SLCO1B3: variants seen among roughly 807,000 people sequenced by gnomAD.
SLCO1B3 encodes the protein liver-specific organic anion transporter 2.
SLCO1B3 carries 72 observed loss-of-function variants against 71.8 expected under a neutral mutation model. That is an observed-to-expected ratio of 1.00 (90% CI 0.83 to 1.22). SLCO1B3 has a LOEUF of 1.22. SLCO1B3 is among the 50% of genes most tolerant of loss of function. SLCO1B3 has a pLI of 0.00. For synonymous variants in SLCO1B3, 298 were observed against 278.4 expected (o/e 1.07, Z -0.70); for missense variants, 911 against 819.7 (o/e 1.11, Z -1.36).
chr12:20,843,744 G>A (rs1031029934), intron 3 of SLCO1B3, among the ~76,000 whole-genome samples: 3 of 151,112 alleles, frequency 2.0e-5, no homozygotes, highest in African/African-American at 7.3e-5. Flanking sequence ...TTGTGTCACT[G>A]CACTCCAGCC....
At chr12:20,845,418 C>A (rs550709113) in intron 3 of SLCO1B3, among the ~76,000 whole-genome samples, 1 of 152,260 alleles carries the variant, frequency 6.6e-6, no homozygotes, top group Admixed American at 6.5e-5. Flanking sequence ...CTACTTTGAA[C>A]TGAGTAAGAA....
chr12:20,887,798 C>T (rs1235143263), intron 13 of SLCO1B3, among the ~76,000 whole-genome samples: 3 of 151,374 alleles, frequency 2.0e-5, no homozygotes, highest in South Asian at 2.1e-4. Context: ...ATTTCTTTGC[C>T]TAGATCATTG....
intron 3 of SLCO1B3, among the ~76,000 whole-genome samples, chr12:20,829,635 C>CTT (rs1481052016): frequency 2.0e-5 from 3 of 152,156 alleles, no homozygotes; most frequent in African/African-American, 7.2e-5. Context: ...GTTCTTGGAT[C>CTT]TTGCTCAAGA....
intron 3 of SLCO1B3, among the ~76,000 whole-genome samples, chr12:20,843,120 T>C (rs1864837613): frequency 6.6e-6 from 1 of 152,200 alleles, no homozygotes; most frequent in African/African-American, 2.4e-5. Context: ...AAAATACATG[T>C]TCTCATGTTC....
intron 3 of SLCO1B3, among the ~76,000 whole-genome samples, chr12:20,825,946 CTT>C (rs1215289898): frequency 2.0e-5 from 3 of 151,662 alleles, no homozygotes; most frequent in African/African-American, 7.3e-5. Flanking sequence ...CAAATAAAAA[CTT>C]AATAAGAATA....
intron 3 of SLCO1B3, among the ~76,000 whole-genome samples, chr12:20,853,384 T>C (rs187720885): frequency 2.4e-4 from 37 of 152,198 alleles, no homozygotes; most frequent in African/African-American, 8.4e-4. Flanking sequence ...TTTTTGGAAG[T>C]ATTTGATACT....
At chr12:20,858,627 A>G (rs1865190641) in intron 5 of SLCO1B3, 56 bp downstream of exon 5, 1 of 1,509,312 alleles carries the variant, frequency 6.6e-7, no homozygotes, top group Non-Finnish European at 9.0e-7. Context: ...AATTAGCAGT[A>G]GAATTTTATT....
At chr12:20,889,915 A>ATTT (rs36117594) in intron 13 of SLCO1B3, among the ~76,000 whole-genome samples, 2 of 145,094 alleles carry the variant, frequency 1.4e-5, no homozygotes, top group Non-Finnish European at 1.5e-5. Flanking sequence ...CATTTTCTTA[A>ATTT]TTTTTTTTTT....
intron 11 of SLCO1B3, among the ~76,000 whole-genome samples, chr12:20,880,324 A>G (rs1865664341): frequency 6.6e-6 from 1 of 151,526 alleles, no homozygotes; most frequent in South Asian, 2.1e-4. Context: ...TATTCCTCAG[A>G]GGTTTGGTTT....
At chr12:20,849,861 A>G (rs988003555) in intron 3 of SLCO1B3, among the ~76,000 whole-genome samples, 1 of 151,782 alleles carries the variant, frequency 6.6e-6, no homozygotes, top group African/African-American at 2.4e-5. Context: ...CAAAAAGGTT[A>G]AAAAAAATCA....
chr12:20,847,516 G>C (rs1016981360), intron 3 of SLCO1B3, among the ~76,000 whole-genome samples: 1 of 149,086 alleles, frequency 6.7e-6, no homozygotes, highest in African/African-American at 2.4e-5. Context: ...CTTGATCTCA[G>C]ACAACCCAGC....
chr12:20,907,282 G>C (rs1337226845), intron 15 of SLCO1B3, among the ~76,000 whole-genome samples: 1 of 152,062 alleles, frequency 6.6e-6, no homozygotes, highest in Non-Finnish European at 1.5e-5. Flanking sequence ...TAATGATCCA[G>C]ATTTTTCTGG....
At chr12:20,827,966 G>A (rs12822246) in intron 3 of SLCO1B3, among the ~76,000 whole-genome samples, 15,463 of 152,162 alleles carry the variant, frequency 0.1, 1,051 homozygotes, top group Middle Eastern at 0.17. Context: ...TACATCTCAA[G>A]GTACAGAGAG....
At chr12:20,865,191 C>A (rs1865348283) in intron 8 of SLCO1B3, among the ~76,000 whole-genome samples, 2 of 152,086 alleles carry the variant, frequency 1.3e-5, no homozygotes, top group Admixed American at 1.3e-4. Flanking sequence ...AATTACATTT[C>A]TGACAGGTGA....
intron 13 of SLCO1B3, among the ~76,000 whole-genome samples, chr12:20,897,091 A>G (rs1218364272): frequency 1.3e-5 from 2 of 152,170 alleles, no homozygotes; most frequent in African/African-American, 4.8e-5. Context: ...AAAATTCAAG[A>G]TGAGATTTAA....
chr12:20,901,761 AC>A, intron 15 of SLCO1B3: 1 of 320,580 alleles, frequency 3.1e-6, no homozygotes, highest in Non-Finnish European at 5.9e-6. Context: ...TAGGATTTGT[AC>A]TTGAATCTCT....
chr12:20,877,649 C>T (rs1300967362), intron 9 of SLCO1B3, 123 bp from the exon 10 acceptor site: 7 of 386,172 alleles, frequency 1.8e-5, no homozygotes, highest in African/African-American at 6.3e-5. Context: ...GCAAAGGTCG[C>T]GACTCTCTTA....
At chr12:20,873,288 T>C (rs1412329234) in intron 8 of SLCO1B3, among the ~76,000 whole-genome samples, 1 of 152,174 alleles carries the variant, frequency 6.6e-6, no homozygotes, top group Non-Finnish European at 1.5e-5. Flanking sequence ...AGATGAAATG[T>C]TATATATGTG....
intron 15 of SLCO1B3, among the ~76,000 whole-genome samples, chr12:20,911,110 A>G (rs1201726957): frequency 6.6e-6 from 1 of 152,148 alleles, no homozygotes; most frequent in African/African-American, 2.4e-5. Flanking sequence ...AATCAGGTTG[A>G]TAAAATTCTC....
Sources: gnomAD v4.1 joint callset for allele counts (sites outside exome capture counted in the v4.1 genomes callset) on GRCh38, gnomAD v4.1.1 for gene constraint, MANE v1.5 for transcripts, NCBI Gene and HGNC (gene_info 2026-07-23, HGNC 2026-07-21) for gene names.